Variants in SH3RF3 observed in about 807,000 individuals in gnomAD.
The protein encoded by SH3RF3 is E3 ubiquitin-protein ligase SH3RF3.
Under a neutral mutation model 66.3 loss-of-function variants are expected in SH3RF3, and 29 were observed. The ratio of observed to expected loss-of-function variants is 0.44; its 90% CI spans 0.33 to 0.60. The LOEUF is 0.60. SH3RF3 is among the 20% of genes least tolerant of loss of function. SH3RF3 has a pLI of 0.04. For missense variants in SH3RF3, 1,194 were observed against 1,190.9 expected, an observed-to-expected ratio of 1.00 and a Z score of -0.04; for synonymous variants, 583 against 532.0, an observed-to-expected ratio of 1.10 and a Z score of -1.32.
chr2:109,377,136 T>A (rs143842795), intron 3 of SH3RF3, among the ~76,000 whole-genome samples: 1 of 152,378 alleles, frequency 6.6e-6, no homozygotes, highest in African/African-American at 2.4e-5. Context: ...CTGTTTATTC[T>A]TGGCGTTTCC....
At chr2:109,376,706 T>C (rs755939146) in intron 3 of SH3RF3, among the ~76,000 whole-genome samples, 16 of 152,192 alleles carry the variant, frequency 1.1e-4, no homozygotes. Flanking sequence ...TATTCAGAAA[T>C]TGGCTGCTCC....
intron 3 of SH3RF3, among the ~76,000 whole-genome samples, chr2:109,378,678 A>G (rs113624702): frequency 0.026 from 3,953 of 152,300 alleles, 165 homozygotes; most frequent in African/African-American, 0.084. Flanking sequence ...TTTGTTAGGC[A>G]GGGCCAGGGA....
At chr2:109,369,791 C>A (rs1238544382) in intron 2 of SH3RF3, among the ~76,000 whole-genome samples, 1 of 152,188 alleles carries the variant, frequency 6.6e-6, no homozygotes, top group Non-Finnish European at 1.5e-5. Flanking sequence ...ACCCTACGGC[C>A]CCCTCCGCTC....
At chr2:109,279,972 C>T (rs1680845340) in intron 1 of SH3RF3, among the ~76,000 whole-genome samples, 2 of 152,064 alleles carry the variant, frequency 1.3e-5, no homozygotes, top group Non-Finnish European at 2.9e-5. Context: ...CAAAAACACA[C>T]CCCCTGGGCC....
intron 1 of SH3RF3, among the ~76,000 whole-genome samples, chr2:109,321,595 G>A (rs2105460485): frequency 6.6e-6 from 1 of 152,222 alleles, no homozygotes; most frequent in East Asian, 1.9e-4. Flanking sequence ...ACAATCAATA[G>A]AGGATTACAT....
intron 3 of SH3RF3, among the ~76,000 whole-genome samples, chr2:109,376,958 G>A (rs1683402274): frequency 6.6e-6 from 1 of 152,262 alleles, no homozygotes; most frequent in Admixed American, 6.5e-5. Flanking sequence ...GAGATGGGGT[G>A]CGGAGCACCT....
intron 1 of SH3RF3, among the ~76,000 whole-genome samples, chr2:109,165,121 C>A (rs1001533384): frequency 2.6e-5 from 4 of 152,196 alleles, no homozygotes; most frequent in Non-Finnish European, 4.4e-5. Context: ...GGCTTCCCCC[C>A]TCCTTTAGTA....
At chr2:109,227,696 C>T (rs1679402790) in intron 1 of SH3RF3, among the ~76,000 whole-genome samples, 1 of 152,192 alleles carries the variant, frequency 6.6e-6, no homozygotes, top group African/African-American at 2.4e-5. Context: ...CCCTGCAGGT[C>T]ACAGGATCCA....
At chr2:109,162,679 A>G (rs771017430) in intron 1 of SH3RF3, among the ~76,000 whole-genome samples, 2 of 152,232 alleles carry the variant, frequency 1.3e-5, no homozygotes, top group Non-Finnish European at 2.9e-5. Context: ...TAGTGCCACA[A>G]TAAACATACG....
chr2:109,162,185 C>A (rs1280522902), intron 1 of SH3RF3, among the ~76,000 whole-genome samples: 1 of 152,170 alleles, frequency 6.6e-6, no homozygotes, highest in East Asian at 1.9e-4. Flanking sequence ...AGGACAGATA[C>A]CATGGACCTT....
intron 1 of SH3RF3, among the ~76,000 whole-genome samples, chr2:109,134,080 G>A (rs1340950498): frequency 6.6e-6 from 1 of 152,190 alleles, no homozygotes; most frequent in Admixed American, 6.5e-5. Context: ...ATTTTCTGTT[G>A]AACATTTACT....
rs1263795864 is a variant in SH3RF3, at chr2:109,451,949, T to C, written c.2148+2460T>C. Among the ~76,000 whole-genome samples, 8 of 152,232 alleles carry C rather than the reference T, an allele frequency of 5.3e-5. No individual in the cohort carries two copies. The East Asian group carries it at 1.5e-3, about 29-fold the overall frequency. On this transcript the variant is annotated intron_variant, in intron 8 of 9. Coordinates refer to ENST00000309415, the MANE Select transcript of SH3RF3 (RefSeq NM_001099289.3). ...GTTTTTGTGAGGCCCTCTGAGCTTA[T>C]GTCCAGAGGTTCAGCAAACCCCAGC...
chr2:109,424,113 G>A (rs1034947783), intron 5 of SH3RF3, among the ~76,000 whole-genome samples: 1 of 152,224 alleles, frequency 6.6e-6, no homozygotes, highest in African/African-American at 2.4e-5. Flanking sequence ...GGCAGGCCCT[G>A]AGATGGGGAG....
At chr2:109,238,994 GA>G (rs1364675084) in intron 1 of SH3RF3, among the ~76,000 whole-genome samples, 1 of 152,208 alleles carries the variant, frequency 6.6e-6, no homozygotes, top group Non-Finnish European at 1.5e-5. Context: ...TTCATGAGAG[GA>G]AAAGCTACTG....
Position 109,502,482 on chromosome 2 carries a change from G to C in SH3RF3, c.*811G>C, listed in dbSNP as rs1679415602. On this transcript the variant is annotated 3_prime_UTR_variant, in exon 10 of 10. Transcript: ENST00000309415. ...TGTCTGAGGCGACATCAAAGGGGCA[G>C]AATTTTTATATTTCCCATATGGCTT... 1 of 152,312 alleles carries C rather than the reference G, an allele frequency of 6.6e-6. No individual in the cohort carries two copies. The highest frequency in any genetic ancestry group is 2.1e-4 in the South Asian group (1 of 4,822). 9.4% of individuals were successfully genotyped at this position (152,312 alleles called of 1,614,324 possible).
intron 2 of SH3RF3, among the ~76,000 whole-genome samples, chr2:109,352,919 G>T (rs763026687): frequency 6.6e-6 from 1 of 152,272 alleles, no homozygotes; most frequent in African/African-American, 2.4e-5. Context: ...AGCTTGGGCT[G>T]TATCTGAAGC....
At chr2:109,351,395 T>G (rs1201295048) in intron 2 of SH3RF3, among the ~76,000 whole-genome samples, 1 of 152,226 alleles carries the variant, frequency 6.6e-6, no homozygotes, top group East Asian at 1.9e-4. Context: ...AACCACATGA[T>G]ATAAATAAAT....
At chr2:109,355,385 G>A (rs1448640025) in intron 2 of SH3RF3, among the ~76,000 whole-genome samples, 1 of 152,184 alleles carries the variant, frequency 6.6e-6, no homozygotes, top group Non-Finnish European at 1.5e-5. Flanking sequence ...TCAAGCAAGG[G>A]TTGGTGGACT....
At chr2:109,316,483 C>T (rs75177243) in intron 1 of SH3RF3, among the ~76,000 whole-genome samples, 47,366 of 151,966 alleles carry the variant, frequency 0.31, 9,137 homozygotes, top group African/African-American at 0.55. Flanking sequence ...ACAAGGTAGC[C>T]CATGACATGG....
Sources: gnomAD v4.1 joint callset for allele counts (sites outside exome capture counted in the v4.1 genomes callset) on GRCh38, gnomAD v4.1.1 for gene constraint, MANE v1.5 for transcripts, NCBI Gene and HGNC (gene_info 2026-07-23, HGNC 2026-07-21) for gene names.